ZNF487: variants seen among roughly 807,000 people sequenced by gnomAD.
The protein encoded by ZNF487 is KRAB domain only 1.
A neutral mutation model predicts 3.0 loss-of-function variants in ZNF487; 4 were observed. The observed-to-expected ratio is 1.35, with a 90% CI of 0.66 to 3.08. ZNF487 has a LOEUF of 3.08. Among genes scored for constraint, ZNF487 ranks in the 30% most tolerant of loss-of-function variants. ZNF487 has a pLI of 0.01. For missense variants in ZNF487, 146 were observed against 98.7 expected (o/e 1.48, Z -2.03); for synonymous variants, 55 against 34.6 (o/e 1.59, Z -2.06).
Position 43,457,893 on chromosome 10 carries a change from G to A in ZNF487, c.-93-17828G>A, listed in dbSNP as rs186511321. 6.1e-3 allele frequency among the ~76,000 whole-genome samples: 922 copies of A among 151,284 alleles called. 8 individuals carry two copies. The highest frequency in any genetic ancestry group is 0.018 in the African/African-American group (730 of 41,270). On this transcript the variant is annotated intron_variant, in intron 1 of 3. Transcript: ENST00000437590. ...AAAAATTAGCTGGGTGTGGTGGCGG[G>A]CGCCTGTAGTCCCAGCTACTCGGGA...
At chr10:43,437,029 C>T (rs377641319), upstream of ZNF487, 1 of 362,848 alleles carries the variant, frequency 2.8e-6, no homozygotes. Context: ...GCGGGAGCAG[C>T]AAGGCTTCCG....
At chr10:43,513,984 GAGAA>G in the ZNF487 span, among the ~76,000 whole-genome samples, 4 of 152,282 alleles carry the variant, frequency 2.6e-5, no homozygotes, top group South Asian at 8.3e-4. Context: ...GGAAGGATGG[GAGAA>G]AGAGTCACTA....
chr10:43,499,923 G>A, the ZNF487 span, among the ~76,000 whole-genome samples: 6 of 151,992 alleles, frequency 3.9e-5, no homozygotes, highest in South Asian at 1.0e-3. Context: ...TCACTCTGTC[G>A]CCCATGCTGG....
At chr10:43,483,462 A>C (rs1243865210), downstream of ZNF487, among the ~76,000 whole-genome samples, 2 of 148,684 alleles carry the variant, frequency 1.3e-5, no homozygotes, top group Non-Finnish European at 3.0e-5. Context: ...CTGCTCTTGA[A>C]CTCCCGACCT....
intron 1 of ZNF487, among the ~76,000 whole-genome samples, chr10:43,459,091 T>G (rs989648960): frequency 2.6e-5 from 4 of 152,140 alleles, no homozygotes; most frequent in African/African-American, 7.2e-5. Context: ...ATGTTTAATC[T>G]CCCTAAAATG....
chr10:43,458,233 G>A (rs1281873281), intron 1 of ZNF487: 5 of 152,156 alleles, frequency 3.3e-5, no homozygotes, highest in Non-Finnish European at 7.3e-5. Context: ...GCGCCAATGT[G>A]GGCAGAGCAC....
the ZNF487 span, among the ~76,000 whole-genome samples, chr10:43,510,748 A>C: frequency 6.6e-6 from 1 of 152,134 alleles, no homozygotes; most frequent in Non-Finnish European, 1.5e-5. Context: ...GGGTTTCACC[A>C]TGTTGGTCAG....
the ZNF487 span, among the ~76,000 whole-genome samples, chr10:43,518,820 T>C: frequency 1.3e-5 from 2 of 152,228 alleles, no homozygotes; most frequent in Non-Finnish European, 2.9e-5. Flanking sequence ...TTCTCAAGAC[T>C]TAAAGCTTGT....
At chr10:43,488,952 A>G in the ZNF487 span, among the ~76,000 whole-genome samples, 2 of 151,916 alleles carry the variant, frequency 1.3e-5, no homozygotes, top group African/African-American at 4.8e-5. Flanking sequence ...TCCTGTCTCT[A>G]CAAAAAAAAA....
At chr10:43,510,640 C>T in the ZNF487 span, among the ~76,000 whole-genome samples, 365 of 152,196 alleles carry the variant, frequency 2.4e-3, 4 homozygotes, top group East Asian at 9.5e-3. Context: ...CTCTGCCTCC[C>T]GGGTTCAAGC....
chr10:43,517,862 A>T, the ZNF487 span, among the ~76,000 whole-genome samples: 1 of 152,026 alleles, frequency 6.6e-6, no homozygotes, highest in Non-Finnish European at 1.5e-5. Flanking sequence ...CTACCTGAGG[A>T]TCCCTGTGAG....
At chr10:43,448,883 C>G (rs1289316786) in intron 1 of ZNF487, among the ~76,000 whole-genome samples, 1 of 151,332 alleles carries the variant, frequency 6.6e-6, no homozygotes, top group Non-Finnish European at 1.5e-5. Context: ...ATAGTCCCAG[C>G]TACTGGAGAG....
chr10:43,510,409 A>T, the ZNF487 span, among the ~76,000 whole-genome samples: 12 of 152,182 alleles, frequency 7.9e-5, no homozygotes, highest in Admixed American at 7.2e-4. Context: ...TAATTACAGC[A>T]CATGGTAATA....
chr10:43,449,557 G>A (rs574051339), intron 1 of ZNF487, among the ~76,000 whole-genome samples: 15 of 152,078 alleles, frequency 9.9e-5, no homozygotes, highest in African/African-American at 3.6e-4. Context: ...CTATAAGCTT[G>A]TGAATTCAGT....
At chr10:43,496,958 C>T in the ZNF487 span, among the ~76,000 whole-genome samples, 1 of 152,132 alleles carries the variant, frequency 6.6e-6, no homozygotes, top group South Asian at 2.1e-4. Flanking sequence ...CTAGAATAAT[C>T]GGTCTGTTTT....
chr10:43,507,724 A>G, the ZNF487 span, among the ~76,000 whole-genome samples: 2 of 152,218 alleles, frequency 1.3e-5, no homozygotes, highest in East Asian at 3.9e-4. Context: ...AAACAAAATG[A>G]CCTTCCTGGA....
At chr10:43,472,270 T>C (rs1387421390) in intron 1 of ZNF487, among the ~76,000 whole-genome samples, 4 of 152,184 alleles carry the variant, frequency 2.6e-5, no homozygotes, top group Non-Finnish European at 5.9e-5. Flanking sequence ...CTCAACATGA[T>C]TAAAACTGGC....
In ZNF487 at chr10:43,443,366, G is replaced by GT. The variant is rs1326797006; in HGVS notation, c.-94+6109dup. Reference sequence around the variant, plus strand: ...GGCCTGAGCTATCCTGCTGGGCCTAGTTTTTGTTTTTGTTTTTTTTTTTTT... The same window carrying GT: ...GGCCTGAGCTATCCTGCTGGGCCTAGTTTTTTGTTTTTGTTTTTTTTTTTTT... On this transcript the variant is annotated intron_variant, in intron 1 of 3. Transcript: ENST00000437590. Among the ~76,000 whole-genome samples, 420 of 144,764 alleles carry GT rather than the reference G, an allele frequency of 2.9e-3. 1 individual carries two copies. Among genetic ancestry groups the GT allele is most frequent in the Non-Finnish European group, 5.4e-3 (360 of 66,098 alleles). 95.0% of individuals were successfully genotyped at this position (144,764 alleles called of 152,430 possible). A position where few individuals can be genotyped will look rare whatever the true frequency, so the allele number is the denominator to read the frequency against.
At chr10:43,465,360 T>G (rs1463609722) in intron 1 of ZNF487, among the ~76,000 whole-genome samples, 1 of 131,948 alleles carries the variant, frequency 7.6e-6, no homozygotes, top group Admixed American at 7.3e-5. Context: ...ACGGGGTGGC[T>G]GCCGGGCGGA....
Sources: gnomAD v4.1 joint callset for allele counts (sites outside exome capture counted in the v4.1 genomes callset) on GRCh38, gnomAD v4.1.1 for gene constraint, MANE v1.5 for transcripts, NCBI Gene and HGNC (gene_info 2026-07-23, HGNC 2026-07-21) for gene names.